Variants in ADRA1A observed in about 807,000 individuals in gnomAD.
ADRA1A encodes adrenoceptor alpha 1A, also known as alpha-1A adrenergic receptor.
In ADRA1A, 31 loss-of-function variants were observed where a neutral mutation model predicts 29.6. That is an observed-to-expected ratio of 1.05 (90% confidence interval 0.79 to 1.41). The LOEUF (loss-of-function observed/expected upper bound fraction) is 1.41. Among genes scored for constraint, ADRA1A ranks in the 40% most tolerant of loss-of-function variants. The probability of loss-of-function intolerance (pLI) is 0.00; values close to 1 mark genes in which losing one functional copy is unlikely to be tolerated. For synonymous variants in ADRA1A, 311 were observed against 254.3 expected (o/e 1.22, Z -2.12); for missense variants, 619 against 601.1 (o/e 1.03, Z -0.31).
intron 2 of ADRA1A, among the ~76,000 whole-genome samples, chr8:26,790,308 A>C (rs1807721563): frequency 6.6e-6 from 1 of 152,226 alleles, no homozygotes; most frequent in Admixed American, 6.6e-5. Flanking sequence ...ATTTGTGGCA[A>C]CATGGATGAG....
At position 26,787,580 on chromosome 8, in the gene ADRA1A, G is replaced by T. The variant is rs2088257; in HGVS notation, c.884-16914C>A. On this transcript the variant is annotated intron_variant, in intron 2 of 2. Coordinates refer to ENST00000380573, the MANE Select transcript of ADRA1A (RefSeq NM_000680.4). This position sits in a 1 kb window ranked among gnomAD's most constrained non-coding sequence, Gnocchi z 4.2. The stretch of plus-strand genomic sequence containing the variant: ...GTCATCTGTAGTTCTTGGATATGGA[G>T]AGAAGGGAAAAGTGAAGGAGAGATG... Among the ~76,000 whole-genome samples, 1 of 151,972 alleles carries T rather than the reference G, an allele frequency of 6.6e-6. No individual in the cohort carries two copies. The highest frequency in any genetic ancestry group is 2.4e-5 in the African/African-American group (1 of 41,368).
intron 2 of ADRA1A, among the ~76,000 whole-genome samples, chr8:26,851,898 A>T (rs1812664260): frequency 6.6e-6 from 1 of 152,156 alleles, no homozygotes; most frequent in Admixed American, 6.5e-5. Flanking sequence ...GATAAAGAAG[A>T]TCTGGAAAAC....
At position 26,848,381 on chromosome 8, in the gene ADRA1A, G is replaced by A. The variant is rs1255238459; in HGVS notation, c.883+15706C>T. ...TGGGAGGTGATTAGGACTAGATGAT[G>A]TCACGAGGGTGAACCCTCATAATGA... On this transcript the variant is annotated intron_variant, in intron 2 of 2. Coordinates refer to ENST00000380573, the MANE Select transcript of ADRA1A (RefSeq NM_000680.4). The surrounding 1 kb of genome is among the most constrained non-coding windows in gnomAD (Gnocchi z 4.3). Among the ~76,000 whole-genome samples the A allele has an allele frequency of 6.6e-6, 1 of 152,196 alleles. No individual in the cohort carries two copies. Among genetic ancestry groups the A allele is most frequent in the Non-Finnish European group, 1.5e-5 (1 of 68,046 alleles).
intron 2 of ADRA1A, among the ~76,000 whole-genome samples, chr8:26,778,253 C>T (rs527584698): frequency 4.6e-5 from 7 of 152,294 alleles, no homozygotes; most frequent in African/African-American, 1.7e-4. Flanking sequence ...GGGGACCCCA[C>T]ATGTAGACAT....
intron 2 of ADRA1A, among the ~76,000 whole-genome samples, chr8:26,811,483 C>T (rs763044023): frequency 6.6e-6 from 1 of 152,186 alleles, no homozygotes; most frequent in East Asian, 1.9e-4. Flanking sequence ...TGAGCCACCG[C>T]GTCTGGCCCT....
intron 2 of ADRA1A, among the ~76,000 whole-genome samples, chr8:26,849,491 T>C (rs569485493): frequency 4.5e-4 from 68 of 152,348 alleles, no homozygotes; most frequent in African/African-American, 1.5e-3. Context: ...CAGCCTTTGC[T>C]GTGCAAAATC....
chr8:26,816,950 T>C (rs1809814987), intron 2 of ADRA1A, among the ~76,000 whole-genome samples: 1 of 152,200 alleles, frequency 6.6e-6, no homozygotes, highest in African/African-American at 2.4e-5. Context: ...AAAATCTTTG[T>C]CATCTGGAGT....
chr8:26,833,685 G>C (rs142326275), intron 2 of ADRA1A, among the ~76,000 whole-genome samples: 1 of 152,208 alleles, frequency 6.6e-6, no homozygotes, highest in Non-Finnish European at 1.5e-5. Flanking sequence ...GCAAAGCAGA[G>C]ACAATTCATT....
In ADRA1A at chr8:26,866,820, C is replaced by G. The variant is rs1481090267; in HGVS notation, c.-687+116G>C. On this transcript the variant is annotated intron_variant, in intron 1 of 2. Transcript: ENST00000380573. The surrounding 1 kb of genome is among the most constrained non-coding windows in gnomAD (Gnocchi z 5.7). ...GTGGGGTAGAGGGGCCGGTATAAAA[C>G]CTGGTGGAAAAAGCGGGAGGCGCTG... is the stretch of plus-strand genomic sequence containing the variant. 1.0e-6 allele frequency: 1 copy of G among 979,894 alleles called. No homozygotes were observed. Among genetic ancestry groups the G allele is most frequent in the Non-Finnish European group, 1.2e-6 (1 of 824,802 alleles). The allele number at this position is 979,894 out of a possible 1,614,324, so 60.7% of individuals were successfully genotyped here.
intron 2 of ADRA1A, among the ~76,000 whole-genome samples, chr8:26,751,299 C>T (rs200514998): frequency 2.6e-5 from 4 of 151,320 alleles, no homozygotes; most frequent in East Asian, 3.9e-4. Flanking sequence ...GGAGTGAGTA[C>T]GAAAAAAGTA....
Position 26,837,896 on chromosome 8 carries a change from C to T in ADRA1A, c.883+26191G>A, listed in dbSNP as rs373535051. ...CTTTTACTGCCTTTGATTCCTATCT[C>T]AATACATTACTTTAGTCTCTACCAA... is the stretch of plus-strand genomic sequence containing the variant. On this transcript the variant is annotated intron_variant, in intron 2 of 2. Coordinates refer to ENST00000380573, the MANE Select transcript of ADRA1A (RefSeq NM_000680.4). Among the ~76,000 whole-genome samples the T allele has an allele frequency of 2.5e-4, 38 of 152,166 alleles. 1 individual carries two copies. The highest frequency in any genetic ancestry group is 2.1e-3 in the East Asian group (11 of 5,188).
chr8:26,819,528 G>C (rs902789941), intron 2 of ADRA1A, among the ~76,000 whole-genome samples: 1 of 152,080 alleles, frequency 6.6e-6, no homozygotes, highest in Non-Finnish European at 1.5e-5. Flanking sequence ...GTATGCAATT[G>C]AATTTAAATT....
intron 2 of ADRA1A, among the ~76,000 whole-genome samples, chr8:26,785,484 TA>T (rs1334350496): frequency 6.6e-6 from 1 of 152,196 alleles, no homozygotes; most frequent in Non-Finnish European, 1.5e-5. Flanking sequence ...GCAAAACGAC[TA>T]GGTTAAAAAC....
intron 2 of ADRA1A, among the ~76,000 whole-genome samples, chr8:26,837,219 G>C (rs1332617826): frequency 6.6e-6 from 1 of 151,968 alleles, no homozygotes; most frequent in African/African-American, 2.4e-5. Flanking sequence ...TTTTAAAAAA[G>C]CTTTTTAAAT....
At chr8:26,784,260 T>C (rs182720271) in intron 2 of ADRA1A, among the ~76,000 whole-genome samples, 47 of 152,334 alleles carry the variant, frequency 3.1e-4, no homozygotes, top group African/African-American at 1.1e-3. Context: ...CTGGTACCCG[T>C]TGTGATTTTC....
chr8:26,785,563 C>A (rs1807314232), intron 2 of ADRA1A, among the ~76,000 whole-genome samples: 1 of 151,392 alleles, frequency 6.6e-6, no homozygotes, highest in Admixed American at 6.6e-5. Flanking sequence ...TTTTCAATTG[C>A]AAGAGTAGAA....
At chr8:26,863,779 A>T (rs528257) in intron 2 of ADRA1A, among the ~76,000 whole-genome samples, 53,666 of 152,080 alleles carry the variant, frequency 0.35, 9,829 homozygotes, top group Non-Finnish European at 0.4. Flanking sequence ...AGATGCATTT[A>T]AATTGAACAC....
At chr8:26,777,521 TC>T (rs1348552192) in intron 2 of ADRA1A, among the ~76,000 whole-genome samples, 5 of 152,206 alleles carry the variant, frequency 3.3e-5, no homozygotes, top group Non-Finnish European at 7.3e-5. Context: ...AGATGTGATT[TC>T]GGTGCCTCTT....
downstream of ADRA1A, among the ~76,000 whole-genome samples, chr8:26,755,809 A>G (rs1196994298): frequency 6.6e-6 from 1 of 152,148 alleles, no homozygotes; most frequent in Non-Finnish European, 1.5e-5. Context: ...CCCACACTGA[A>G]TATTATAGAG....
Sources: gnomAD v4.1 joint callset for allele counts (sites outside exome capture counted in the v4.1 genomes callset) on GRCh38, gnomAD v4.1.1 for gene constraint, Gnocchi (gnomAD v3.1) non-coding constraint, MANE v1.5 for transcripts, NCBI Gene and HGNC (gene_info 2026-07-23, HGNC 2026-07-21) for gene names.